HAPLN1: variants seen among roughly 807,000 people sequenced by gnomAD.
The protein encoded by HAPLN1 is hyaluronan and proteoglycan link protein 1, also known as Cartilage link protein.
Under a neutral mutation model 36.5 loss-of-function variants are expected in HAPLN1, and 13 were observed. That is an observed-to-expected ratio of 0.36 (90% CI 0.23 to 0.57). HAPLN1 has a LOEUF of 0.57. Ranked by LOEUF, HAPLN1 falls within the 20% of genes least tolerant of loss-of-function variation. The pLI is 0.83. For missense variants in HAPLN1, 407 were observed against 439.7 expected (o/e 0.93, Z 0.66); for synonymous variants, 202 against 169.8 (o/e 1.19, Z -1.48).
intron 1 of HAPLN1, among the ~76,000 whole-genome samples, chr5:83,707,359 C>G (rs925427835): frequency 6.6e-6 from 1 of 152,268 alleles, no homozygotes; most frequent in Non-Finnish European, 1.5e-5. Context: ...GTAACCAAAA[C>G]AGCATAGTAT....
In HAPLN1 at chr5:83,673,486, C is replaced by G; in HGVS notation, c.38G>C (p.Cys13Ser). ...SLLLLVLISICWADHLSDNYT... is the reference protein window; with the variant it reads ...SLLLLVLISISWADHLSDNYT... ...GTTGTCTGAAAGATGATCAGCCCAG[C>G]AGATTGAAATCAGCACCAGAAGAAG... is the stretch of plus-strand genomic sequence containing the variant. The change falls in exon 2 of 5, where the codon TGC becomes TCC. Residue 13 changes from cysteine to serine, a missense_variant. Cys to Ser is a moderately radical substitution (Grantham distance 112, BLOSUM62 -1). Transcript: ENST00000274341. 6.2e-7 allele frequency: 1 copy of G among 1,613,780 alleles called. No individual in the cohort carries two copies. The highest frequency in any genetic ancestry group is 8.5e-7 in the Non-Finnish European group (1 of 1,179,832).
intron 3 of HAPLN1, among the ~76,000 whole-genome samples, chr5:83,650,345 ATTTG>A (rs1750019601): frequency 6.6e-6 from 1 of 152,188 alleles, no homozygotes. Context: ...GATTATAGAA[ATTTG>A]TTTGTGCCTA....
At chr5:83,664,027 G>T (rs1489276226) in intron 2 of HAPLN1, among the ~76,000 whole-genome samples, 17 of 151,988 alleles carry the variant, frequency 1.1e-4, no homozygotes, top group Admixed American at 1.1e-3. Flanking sequence ...ATTTTCAAAT[G>T]ATTTTGGAAT....
chr5:83,691,993 A>G (rs970765229), intron 1 of HAPLN1, among the ~76,000 whole-genome samples: 1 of 151,232 alleles, frequency 6.6e-6, no homozygotes, highest in Non-Finnish European at 1.5e-5. Flanking sequence ...TGTCTAAGAT[A>G]AAAAAAAATT....
At chr5:83,693,610 T>G in intron 1 of HAPLN1, among the ~76,000 whole-genome samples, 1 of 151,640 alleles carries the variant, frequency 6.6e-6, no homozygotes, top group East Asian at 1.9e-4. Context: ...AAGACAAGAA[T>G]ATATGACAAG....
At chr5:83,697,703 T>C (rs1454875591) in intron 1 of HAPLN1, among the ~76,000 whole-genome samples, 3 of 152,130 alleles carry the variant, frequency 2.0e-5, no homozygotes, top group Admixed American at 6.6e-5. Context: ...ACACTTATTA[T>C]TGTATGCCTT....
At chr5:83,692,786 G>A (rs1189090821) in intron 1 of HAPLN1, among the ~76,000 whole-genome samples, 1 of 151,858 alleles carries the variant, frequency 6.6e-6, no homozygotes, top group African/African-American at 2.4e-5. Flanking sequence ...TGATATGAAT[G>A]TACGGTGGGG....
intron 1 of HAPLN1, among the ~76,000 whole-genome samples, chr5:83,717,794 C>A (rs2112644389): frequency 6.6e-6 from 1 of 152,196 alleles, no homozygotes; most frequent in South Asian, 2.1e-4. Context: ...AAGTGAACAA[C>A]AAGTATAGAT....
At chr5:83,712,407 A>C in intron 1 of HAPLN1, among the ~76,000 whole-genome samples, 1 of 152,136 alleles carries the variant, frequency 6.6e-6, no homozygotes, top group East Asian at 1.9e-4. Context: ...ATTTTAAAAT[A>C]TTTTAGCTAG....
chr5:83,668,270 G>A (rs1008163245), intron 2 of HAPLN1, among the ~76,000 whole-genome samples: 1 of 152,132 alleles, frequency 6.6e-6, no homozygotes, highest in East Asian at 1.9e-4. Context: ...AAGAAAAGAA[G>A]GGTGAGAGAG....
chr5:83,676,353 C>A (rs936163210), intron 1 of HAPLN1, among the ~76,000 whole-genome samples: 2 of 152,004 alleles, frequency 1.3e-5, no homozygotes, highest in Non-Finnish European at 2.9e-5. Context: ...TTTAGAGTAC[C>A]CTGTGCTGGA....
At chr5:83,667,629 A>C (rs986477975) in intron 2 of HAPLN1, among the ~76,000 whole-genome samples, 1 of 152,208 alleles carries the variant, frequency 6.6e-6, no homozygotes, top group Non-Finnish European at 1.5e-5. Context: ...AGTTTAAATA[A>C]GTTTTAGGTG....
intron 2 of HAPLN1, among the ~76,000 whole-genome samples, chr5:83,655,518 G>GTT (rs35037417): frequency 2.4e-5 from 1 of 41,654 alleles, no homozygotes; most frequent in Non-Finnish European, 5.3e-5. Context: ...TCACTTTGGG[G>GTT]TGTGTGTGTG....
rs573880812 is a variant in HAPLN1, at chr5:83,719,864, G to T, written c.-27+925C>A. 5.8e-4 allele frequency among the ~76,000 whole-genome samples: 89 copies of T among 152,216 alleles called. 1 individual carries two copies. Among genetic ancestry groups the T allele is most frequent in the East Asian group, 5.2e-3 (27 of 5,176 alleles). On this transcript the variant is annotated intron_variant, in intron 1 of 4. Coordinates refer to ENST00000274341, the MANE Select transcript of HAPLN1 (RefSeq NM_001884.4). ...TTTCTTAAGAACTATTAGCTTCCAA[G>T]AAGCCAGCCAGTATGTTTGATTTTA...
chr5:83,699,774 C>G (rs1199172554), intron 1 of HAPLN1, among the ~76,000 whole-genome samples: 1 of 152,088 alleles, frequency 6.6e-6, no homozygotes, highest in Non-Finnish European at 1.5e-5. Flanking sequence ...CAATCATGTT[C>G]CATAGTTTCT....
chr5:83,660,157 A>G (rs1561305962), intron 2 of HAPLN1, among the ~76,000 whole-genome samples: 1 of 152,172 alleles, frequency 6.6e-6, no homozygotes. Flanking sequence ...TATGCCAGGA[A>G]GCTATGATTT....
chr5:83,675,995 T>G (rs889068360), intron 1 of HAPLN1, among the ~76,000 whole-genome samples: 2 of 152,238 alleles, frequency 1.3e-5, no homozygotes, highest in Admixed American at 6.5e-5. Context: ...CTTAAGACTT[T>G]GACTTGTGTT....
chr5:83,684,375 G>A (rs1751074026), intron 1 of HAPLN1, among the ~76,000 whole-genome samples: 1 of 152,100 alleles, frequency 6.6e-6, no homozygotes, highest in African/African-American at 2.4e-5. Flanking sequence ...TAAAAGAACA[G>A]GGTGGCAAGT....
At chr5:83,697,624 C>T (rs190124289) in intron 1 of HAPLN1, among the ~76,000 whole-genome samples, 42 of 152,258 alleles carry the variant, frequency 2.8e-4, no homozygotes, top group African/African-American at 5.8e-4. Flanking sequence ...TTCCAAAGCA[C>T]GGCACTGTTT....
Sources: allele counts gnomAD v4.1 joint callset (sites outside exome capture counted in the v4.1 genomes callset), GRCh38; gene constraint gnomAD v4.1.1; transcripts MANE v1.5; gene names NCBI Gene and HGNC (gene_info 2026-07-23, HGNC 2026-07-21).